TMC7: variants seen among roughly 807,000 people sequenced by gnomAD.
TMC7 encodes transmembrane channel-like protein 7.
TMC7 carries 54 observed loss-of-function variants against 82.9 expected under a neutral mutation model. That is an observed-to-expected ratio of 0.65 (90% confidence interval 0.52 to 0.82). The LOEUF is 0.82. Ranked by LOEUF, TMC7 falls within the 40% of genes least tolerant of loss-of-function variation. The pLI is 0.00. For synonymous variants in TMC7, 350 were observed against 337.9 expected (o/e 1.04, Z -0.39); for missense variants, 820 against 901.2 (o/e 0.91, Z 1.15).
chr16:18,984,208 C>G (rs1234165123), intron 1 of TMC7, 78 bp downstream of exon 1: 1 of 1,393,220 alleles, frequency 7.2e-7, no homozygotes, highest in Non-Finnish European at 9.2e-7. Context: ...GTGCTGGAGG[C>G]TCGGCCTGGC....
chr16:19,049,628 T>C lies in TMC7; in HGVS notation c.1741-2058T>C, dbSNP rs1027133613. Reference sequence around the variant, plus strand: ...TTTCCAGGAAATACTGATTAGCCCGTGGCTTCGCAGTGTGTAGCATAGTAC... The same window carrying C: ...TTTCCAGGAAATACTGATTAGCCCGCGGCTTCGCAGTGTGTAGCATAGTAC... On this transcript the variant is annotated intron_variant, in intron 12 of 15. Coordinates refer to ENST00000304381, the MANE Select transcript of TMC7 (RefSeq NM_024847.4). 8.1e-6 allele frequency: 8 copies of C among 985,240 alleles called. No individual in the cohort carries two copies. In the African/African-American group the frequency reaches 1.2e-4, roughly 15 times the overall value. 61.0% of individuals were successfully genotyped at this position (985,240 alleles called of 1,614,324 possible).
At chr16:18,989,894 C>T (rs1173038852) in intron 1 of TMC7, among the ~76,000 whole-genome samples, 2 of 151,630 alleles carry the variant, frequency 1.3e-5, no homozygotes, top group African/African-American at 2.4e-5. Flanking sequence ...GTGTTTCATG[C>T]GCGTCCATGT....
At chr16:19,032,189 A>C (rs1020060127) in intron 6 of TMC7, among the ~76,000 whole-genome samples, 2 of 152,196 alleles carry the variant, frequency 1.3e-5, no homozygotes, top group African/African-American at 4.8e-5. Flanking sequence ...GAAGCTCCTT[A>C]TCACAGGTGC....
At chr16:19,051,432 GT>G (rs1438101996) in intron 12 of TMC7, among the ~76,000 whole-genome samples, 1 of 140,440 alleles carries the variant, frequency 7.1e-6, no homozygotes, top group African/African-American at 2.7e-5. Flanking sequence ...TCCCCGGTGT[GT>G]GATGTTCCCC....
At chr16:19,024,352 T>C (rs1960124118) in intron 5 of TMC7, among the ~76,000 whole-genome samples, 1 of 151,804 alleles carries the variant, frequency 6.6e-6, no homozygotes, top group African/African-American at 2.4e-5. Context: ...GCCCAGAAGG[T>C]TGAGGCTGCA....
chr16:19,040,386 C>G lies in TMC7; in HGVS notation c.1277C>G (p.Ala426Gly). The change falls in exon 9 of 16, where the codon GCC (alanine) becomes GGC (glycine). Residue 426 changes from alanine to glycine, a missense_variant. By Grantham distance (60) the Ala-to-Gly change is moderately conservative. Around this residue, in one of 2 missense-constraint regions of TMC7, gnomAD observed 650 missense variants for 669.9 expected, o/e 0.97. Coordinates refer to ENST00000304381, the MANE Select transcript of TMC7 (RefSeq NM_024847.4). Reference sequence around the variant, plus strand: ...AATTTTATCACCCCAATGATCTTTGCCAAGATCATCCGCTATGAGGATTAT... The same window carrying G: ...AATTTTATCACCCCAATGATCTTTGGCAAGATCATCCGCTATGAGGATTAT... ...LANFITPMIF[A>G]KIIRYEDYSP... 1 of 1,613,742 alleles carries G rather than the reference C, an allele frequency of 6.2e-7. No individual in the cohort carries two copies. Among genetic ancestry groups the G allele is most frequent in the South Asian group, 1.1e-5 (1 of 91,062 alleles).
chr16:19,026,036 A>G (rs1001424238), intron 5 of TMC7, among the ~76,000 whole-genome samples: 2 of 151,934 alleles, frequency 1.3e-5, no homozygotes, highest in Admixed American at 6.6e-5. Context: ...TCGGCTTCCC[A>G]AAGTGCTGGG....
intron 1 of TMC7, among the ~76,000 whole-genome samples, chr16:18,986,611 G>C (rs1016138719): frequency 6.6e-6 from 1 of 152,028 alleles, no homozygotes; most frequent in Non-Finnish European, 1.5e-5. Flanking sequence ...TAAACTCCAG[G>C]CTCTTCCATC....
At chr16:19,012,022 G>A (rs573158508) in intron 2 of TMC7, 10 of 151,704 alleles carry the variant, frequency 6.6e-5, no homozygotes, top group African/African-American at 2.2e-4. Context: ...CACTCCTGTA[G>A]TCTCAGCTAC....
rs758595275 is a variant in TMC7, at chr16:19,047,102, G to A, written c.1593G>A (p.Gln531=). 1.6e-5 allele frequency: 26 copies of A among 1,613,694 alleles called. No individual in the cohort carries two copies. In the South Asian group the frequency reaches 2.2e-4, roughly 14 times the overall value. Residue 531 remains glutamine, a synonymous_variant, in exon 12 of 16, where the codon CAG becomes CAA. Coordinates refer to ENST00000304381, the MANE Select transcript of TMC7 (RefSeq NM_024847.4). ...VTYCSSCKLI[Q]CWGQQEFAIP... ...ACTGTTCCTCTTGCAAGCTGATTCA[G>A]TGCTGGGGGCAGCAGGAGTTTGCCA...
chr16:18,994,081 A>G (rs147644635), intron 1 of TMC7, among the ~76,000 whole-genome samples: 1,525 of 152,220 alleles, frequency 0.01, 28 homozygotes, highest in African/African-American at 0.035. Flanking sequence ...GGTATCTGGA[A>G]TAATGTGGGA....
intron 1 of TMC7, among the ~76,000 whole-genome samples, chr16:18,989,161 T>G (rs1257480010): frequency 2.6e-5 from 4 of 152,178 alleles, no homozygotes; most frequent in Non-Finnish European, 1.5e-5. Flanking sequence ...TGACCTGTGA[T>G]ATTTGTTTTT....
intron 11 of TMC7, 25 bp downstream of exon 11, chr16:19,045,463 AT>A: frequency 6.6e-7 from 1 of 1,512,878 alleles, no homozygotes; most frequent in Non-Finnish European, 9.2e-7. Context: ...TGCCCATATT[AT>A]CCCCCCCACC....
At position 18,984,093 on chromosome 16, in the gene TMC7, G is replaced by C; in HGVS notation, c.30G>C (p.Gln10His). The C allele has an allele frequency of 6.7e-7, 1 of 1,503,000 alleles. No homozygotes were observed. The highest frequency in any genetic ancestry group is 8.8e-7 in the Non-Finnish European group (1 of 1,133,984). 93.1% of individuals were successfully genotyped at this position (1,503,000 alleles called of 1,614,324 possible). MSESSGSAL[Q>H]PGRPSRQPAV... Reference sequence around the variant, plus strand: ...GCGAGTCCAGCGGCAGTGCGCTCCAGCCCGGCAGGCCCAGCCGGCAGCCGG... The same window carrying C: ...GCGAGTCCAGCGGCAGTGCGCTCCACCCCGGCAGGCCCAGCCGGCAGCCGG... The change falls in exon 1 of 16, where the codon CAG becomes CAC. Residue 10 changes from glutamine to histidine, a missense_variant. Coordinates refer to ENST00000304381, the MANE Select transcript of TMC7 (RefSeq NM_024847.4).
intron 2 of TMC7, among the ~76,000 whole-genome samples, chr16:19,010,159 C>CCCCTCCTT: frequency 1.4e-5 from 2 of 140,294 alleles, no homozygotes; most frequent in Admixed American, 7.4e-5. Flanking sequence ...CTCCCCTCCT[C>CCCCTCCTT]TCCTCTCCTT....
At chr16:19,052,705 T>G (rs1290073972) in intron 13 of TMC7, among the ~76,000 whole-genome samples, 2 of 149,846 alleles carry the variant, frequency 1.3e-5, no homozygotes, top group African/African-American at 5.0e-5. Context: ...TGAGTCCCTC[T>G]CTCAGATTTT....
intron 1 of TMC7, among the ~76,000 whole-genome samples, chr16:19,006,491 A>C (rs1292928114): frequency 1.3e-5 from 2 of 151,890 alleles, no homozygotes; most frequent in Non-Finnish European, 2.9e-5. Context: ...GCCCAGGGTG[A>C]CCTTTTAAAA....
chr16:19,053,362 A>G (rs542992130), intron 13 of TMC7, among the ~76,000 whole-genome samples: 1 of 147,174 alleles, frequency 6.8e-6, no homozygotes, highest in East Asian at 2.0e-4. Context: ...TCCCATGTCC[A>G]TGGACATACT....
intron 2 of TMC7, among the ~76,000 whole-genome samples, chr16:19,013,064 G>A (rs1237302565): frequency 2.0e-5 from 3 of 151,478 alleles, no homozygotes; most frequent in Non-Finnish European, 4.4e-5. Context: ...TGATCCGCCT[G>A]CCTTGGCCTC....
Sources: gnomAD v4.1 joint callset for allele counts (sites outside exome capture counted in the v4.1 genomes callset) on GRCh38, gnomAD v4.1.1 for gene constraint, gnomAD v4.1.1 regional missense constraint, MANE v1.5 for transcripts, NCBI Gene and HGNC (gene_info 2026-07-23, HGNC 2026-07-21) for gene names.